SUCO: variants seen among roughly 807,000 people sequenced by gnomAD.
SUCO encodes the protein SUN domain-containing ossification factor.
SUCO carries 57 observed loss-of-function variants against 148.1 expected under a neutral mutation model. The ratio of observed to expected loss-of-function variants is 0.38; its 90% CI spans 0.31 to 0.48. SUCO has a LOEUF of 0.48. SUCO is among the 20% of genes least tolerant of loss of function. SUCO has a pLI of 0.96. For missense variants in SUCO, 1,331 were observed against 1,468.2 expected, an observed-to-expected ratio of 0.91 and a Z score of 1.53; for synonymous variants, 470 against 502.7, an observed-to-expected ratio of 0.93 and a Z score of 0.87.
At chr1:172,602,665 T>G (rs1421091401) in intron 21 of SUCO, 31 bp from the exon 22 acceptor site, 1 of 1,606,600 alleles carries the variant, frequency 6.2e-7, no homozygotes. Flanking sequence ...TTACTCGTTG[T>G]AACCAATATG....
At chr1:172,587,792 T>C (rs1196047350) in intron 17 of SUCO, among the ~76,000 whole-genome samples, 1 of 152,124 alleles carries the variant, frequency 6.6e-6, no homozygotes, top group African/African-American at 2.4e-5. Context: ...AATGTGTGTT[T>C]GAGCATAATT....
intron 6 of SUCO, among the ~76,000 whole-genome samples, chr1:172,560,294 G>A (rs1452443717): frequency 2.6e-5 from 4 of 152,216 alleles, no homozygotes; most frequent in Non-Finnish European, 5.9e-5. Context: ...TTGACCAGCT[G>A]TAGTTGCAAT....
chr1:172,561,838 A>C (rs1032123171), intron 6 of SUCO, among the ~76,000 whole-genome samples: 2 of 152,176 alleles, frequency 1.3e-5, no homozygotes, highest in Admixed American at 6.5e-5. Context: ...ATACTACCTC[A>C]GCATTGGCAC....
At chr1:172,598,266 G>A (rs1657264887) in intron 19 of SUCO, among the ~76,000 whole-genome samples, 1 of 152,164 alleles carries the variant, frequency 6.6e-6, no homozygotes, top group East Asian at 1.9e-4. Flanking sequence ...CCATATATAT[G>A]TGGGTCTGTT....
At chr1:172,545,773 T>C (rs1253513697) in intron 1 of SUCO, among the ~76,000 whole-genome samples, 4 of 152,198 alleles carry the variant, frequency 2.6e-5, no homozygotes, top group African/African-American at 9.7e-5. Context: ...TTTCAGCACA[T>C]ATTCTGTGCC....
chr1:172,568,280 A>G (rs1366680587), intron 6 of SUCO: 2 of 963,408 alleles, frequency 2.1e-6, no homozygotes, highest in African/African-American at 3.5e-5. Flanking sequence ...TTCTTTTTAC[A>G]AATTTATTGA....
chr1:172,555,443 T>TA, intron 3 of SUCO: 1 of 981,692 alleles, frequency 1.0e-6, no homozygotes, highest in Non-Finnish European at 1.2e-6. Context: ...TTCATGGTGT[T>TA]ACTTGAACAT....
At chr1:172,572,242 T>C (rs1571233244) in intron 9 of SUCO, among the ~76,000 whole-genome samples, 1 of 149,044 alleles carries the variant, frequency 6.7e-6, no homozygotes, top group Non-Finnish European at 1.5e-5. Context: ...ACAATGGTGG[T>C]TTTGTGGAAT....
Position 172,570,104 on chromosome 1 carries a change from A to G in SUCO, c.914A>G (p.Lys305Arg). 1 of 1,595,722 alleles carries G rather than the reference A, an allele frequency of 6.3e-7. No homozygotes were observed. Among genetic ancestry groups the G allele is most frequent in the Non-Finnish European group, 8.6e-7 (1 of 1,169,454 alleles). The change falls in exon 8 of 24, where the codon AAA becomes AGA. Residue 305 changes from lysine to arginine, a missense_variant. By Grantham distance (26) the Lys-to-Arg change is conservative. This residue lies in a region of SUCO where 992 missense variants were observed against 1,093.5 expected (regional missense o/e 0.91). Coordinates refer to ENST00000263688, the MANE Select transcript of SUCO (RefSeq NM_014283.5). ...GGSHATKKVQKNRNNYASVEC... is the reference protein window; with the variant it reads ...GGSHATKKVQRNRNNYASVEC... ...TCACATGCCACCAAAAAGGTCCAGA[A>G]AAATCGAAATAATTATGCCTCAGTA...
At chr1:172,605,499 A>G (rs945184365) in intron 22 of SUCO, among the ~76,000 whole-genome samples, 3 of 151,584 alleles carry the variant, frequency 2.0e-5, no homozygotes, top group Non-Finnish European at 4.4e-5. Context: ...TGTGTTCTTT[A>G]TTTTGTGCCA....
chr1:172,588,200 A>G (rs1656374083), intron 17 of SUCO: 4 of 985,180 alleles, frequency 4.1e-6, no homozygotes, highest in Non-Finnish European at 4.8e-6. Flanking sequence ...TTAATGCTGT[A>G]TTGGAGTTCC....
At chr1:172,583,173 A>G (rs1655997367) in intron 15 of SUCO, among the ~76,000 whole-genome samples, 1 of 152,138 alleles carries the variant, frequency 6.6e-6, no homozygotes, top group Non-Finnish European at 1.5e-5. Flanking sequence ...AACAGTTTCC[A>G]TTCCAGACTT....
intron 3 of SUCO, among the ~76,000 whole-genome samples, chr1:172,554,067 A>T (rs1226602612): frequency 6.6e-6 from 1 of 152,374 alleles, no homozygotes; most frequent in Non-Finnish European, 1.5e-5. Flanking sequence ...CTTTTTAAAA[A>T]AATACAGCCT....
At chr1:172,552,338 T>C (rs1474236676) in intron 2 of SUCO, among the ~76,000 whole-genome samples, 1 of 152,076 alleles carries the variant, frequency 6.6e-6, no homozygotes, top group Non-Finnish European at 1.5e-5. Flanking sequence ...CATATAAATA[T>C]ATTACAAATT....
intron 1 of SUCO, among the ~76,000 whole-genome samples, chr1:172,550,323 A>G (rs1160282094): frequency 1.3e-5 from 2 of 152,000 alleles, no homozygotes; most frequent in Non-Finnish European, 2.9e-5. Context: ...AATATTGGCA[A>G]TTTCAAACAG....
At chr1:172,584,991 A>G (rs766003737) in intron 15 of SUCO, 27 bp from the exon 16 acceptor site, 1 of 1,431,442 alleles carries the variant, frequency 7.0e-7, no homozygotes, top group South Asian at 1.2e-5. Flanking sequence ...GGTATTTGGT[A>G]CTTTTTCTGA....
At chr1:172,586,172 G>A (rs952276516) in intron 17 of SUCO, among the ~76,000 whole-genome samples, 3 of 151,530 alleles carry the variant, frequency 2.0e-5, no homozygotes, top group Admixed American at 1.3e-4. Flanking sequence ...TTTTGGGGGG[G>A]GTATTATATA....
Position 172,591,996 on chromosome 1 carries a change from A to G in SUCO, c.2913+925A>G, listed in dbSNP as rs185830860. 1.4e-4 allele frequency among the ~76,000 whole-genome samples: 21 copies of G among 152,206 alleles called. No individual in the cohort carries two copies. The East Asian group carries it at 3.7e-3, about 27-fold the overall frequency. On this transcript the variant is annotated intron_variant, in intron 19 of 23. Transcript: ENST00000263688. ...TTTAACTGGTGTGAGATGGTATCTC[A>G]TTGTGGTTTTGAATTGCATTTCTCT...
chr1:172,602,243 A>G (rs200643747), intron 21 of SUCO, 25 bp downstream of exon 21: 3 of 1,552,882 alleles, frequency 1.9e-6, no homozygotes, highest in Non-Finnish European at 2.6e-6. Context: ...ATATTTCACA[A>G]TTTTATTTTT....
Sources: allele counts gnomAD v4.1 joint callset (sites outside exome capture counted in the v4.1 genomes callset), GRCh38; gene constraint gnomAD v4.1.1; regional missense constraint gnomAD v4.1.1; transcripts MANE v1.5; gene names NCBI Gene and HGNC (gene_info 2026-07-23, HGNC 2026-07-21).